The following EGFLAM variants were observed in gnomAD, a reference collection of about 807,000 sequenced individuals.
The protein encoded by EGFLAM is EGF like, fibronectin type III and laminin G domains, also known as pikachurin.
Under a neutral mutation model 113.1 loss-of-function variants are expected in EGFLAM, and 79 were observed. The ratio of observed to expected loss-of-function variants is 0.70; its 90% CI spans 0.58 to 0.84. The LOEUF is 0.84. Among genes scored for constraint, EGFLAM ranks in the 40% least tolerant of loss-of-function variants. The probability of loss-of-function intolerance (pLI) is 0.00; values close to 1 mark genes in which losing one functional copy is unlikely to be tolerated. For missense variants in EGFLAM, 1,265 were observed against 1,291.6 expected, an observed-to-expected ratio of 0.98 and a Z score of 0.32; for synonymous variants, 504 against 487.6, an observed-to-expected ratio of 1.03 and a Z score of -0.44.
intron 1 of EGFLAM, among the ~76,000 whole-genome samples, chr5:38,316,076 C>CAAAA (rs199596625): frequency 0.16 from 20,123 of 124,862 alleles, 1,707 homozygotes; most frequent in African/African-American, 0.23. Context: ...GACTCTGTCC[C>CAAAA]AAAAAAAAAA....
intron 1 of EGFLAM, among the ~76,000 whole-genome samples, chr5:38,336,345 G>A (rs1435285611): frequency 6.6e-6 from 1 of 152,170 alleles, no homozygotes; most frequent in East Asian, 1.9e-4. Flanking sequence ...AGGCCAAGGC[G>A]GGCAGGTCAC....
chr5:38,456,031 T>C (rs184658382), intron 19 of EGFLAM, among the ~76,000 whole-genome samples: 1 of 152,140 alleles, frequency 6.6e-6, no homozygotes, highest in East Asian at 1.9e-4. Flanking sequence ...TCAGAAGAGG[T>C]GTGACATATT....
At chr5:38,287,456 C>T (rs1272814316) in intron 1 of EGFLAM, among the ~76,000 whole-genome samples, 2 of 152,318 alleles carry the variant, frequency 1.3e-5, no homozygotes, top group East Asian at 1.9e-4. Flanking sequence ...ACTGCAACCT[C>T]TGCCTCCTGG....
At chr5:38,448,862 G>A (rs1454881856) in intron 18 of EGFLAM, among the ~76,000 whole-genome samples, 4 of 152,140 alleles carry the variant, frequency 2.6e-5, no homozygotes, top group East Asian at 1.9e-4. Flanking sequence ...CCTACCCTGC[G>A]TCTTCATCAG....
chr5:38,400,868 G>A (rs1741092963), intron 6 of EGFLAM, among the ~76,000 whole-genome samples: 1 of 152,060 alleles, frequency 6.6e-6, no homozygotes, highest in Non-Finnish European at 1.5e-5. Context: ...CTGTAAAATG[G>A]GCTTGTTGTG....
rs1182061113 is a variant in EGFLAM at position 38,427,069 on chromosome 5, G to C, written c.1871G>C (p.Trp624Ser). Residue 624 changes from tryptophan to serine, a missense_variant, in exon 14 of 22, where the codon TGG becomes TCG. Trp to Ser is a radical substitution (Grantham distance 177, BLOSUM62 -3). Transcript: ENST00000322350. ...ESLRSYAATPWPLEPQHYLSF... is the reference protein window; with the variant it reads ...ESLRSYAATPSPLEPQHYLSF... ...CTGAGATCTTACGCTGCAACTCCCT[G>C]GCCACTGGAGCCCCAGCATTACCTT... is the stretch of plus-strand genomic sequence containing the variant. 3.1e-6 allele frequency: 5 copies of C among 1,613,910 alleles called. 1 individual carries two copies. In the African/African-American group the frequency reaches 6.7e-5, roughly 22 times the overall value.
chr5:38,431,031 T>G lies in EGFLAM; in HGVS notation c.2055-146T>G, dbSNP rs1158933287. Reference sequence around the variant, plus strand: ...TGCCCAGGTTGGTGAGGGCAGATCTTTACTAAGTTTACTGATTCAGATGCT... The same window carrying G: ...TGCCCAGGTTGGTGAGGGCAGATCTGTACTAAGTTTACTGATTCAGATGCT... On this transcript the variant is annotated intron_variant, in intron 14 of 21. Coordinates refer to ENST00000322350, the MANE Select transcript of EGFLAM (RefSeq NM_152403.4). The G allele has an allele frequency of 1.1e-5, 8 of 700,796 alleles. No individual in the cohort carries two copies. In the African/African-American group the frequency reaches 1.4e-4, roughly 13 times the overall value. 43.4% of individuals were successfully genotyped at this position (700,796 alleles called of 1,614,324 possible). A position where few individuals can be genotyped will look rare whatever the true frequency, so the allele number is the denominator to read the frequency against.
At chr5:38,404,397 G>T (rs1465116866) in intron 6 of EGFLAM, among the ~76,000 whole-genome samples, 1 of 152,140 alleles carries the variant, frequency 6.6e-6, no homozygotes, top group Non-Finnish European at 1.5e-5. Flanking sequence ...CAGTGAGAAG[G>T]CACCATCTGT....
chr5:38,304,761 C>A (rs928316810), intron 1 of EGFLAM, among the ~76,000 whole-genome samples: 4 of 152,046 alleles, frequency 2.6e-5, no homozygotes, highest in African/African-American at 9.7e-5. Flanking sequence ...AAGCCAACAC[C>A]AGAAAGTCGA....
intron 1 of EGFLAM, among the ~76,000 whole-genome samples, chr5:38,298,435 C>T (rs1278279836): frequency 2.0e-5 from 3 of 152,162 alleles, no homozygotes; most frequent in Non-Finnish European, 4.4e-5. Flanking sequence ...TCACTCAGTC[C>T]TATTGAGCTC....
At chr5:38,273,024 AC>A (rs1400902259) in intron 1 of EGFLAM, among the ~76,000 whole-genome samples, 1 of 152,228 alleles carries the variant, frequency 6.6e-6, no homozygotes, top group Non-Finnish European at 1.5e-5. Context: ...GCATGAAAAT[AC>A]TTCACAAGAG....
At chr5:38,458,471 C>T (rs1015391791) in intron 20 of EGFLAM, 77 bp downstream of exon 20, 30 of 1,437,470 alleles carry the variant, frequency 2.1e-5, no homozygotes, top group Non-Finnish European at 2.8e-5. Context: ...CCTTGTAGTC[C>T]CACTGTCCTG....
intron 10 of EGFLAM, among the ~76,000 whole-genome samples, chr5:38,410,747 C>T (rs1741452343): frequency 6.6e-6 from 1 of 152,180 alleles, no homozygotes; most frequent in Non-Finnish European, 1.5e-5. Flanking sequence ...TCTGTCTCAC[C>T]TCACTGCTGA....
At chr5:38,278,490 A>ATT (rs536338176) in intron 1 of EGFLAM, among the ~76,000 whole-genome samples, 2 of 145,076 alleles carry the variant, frequency 1.4e-5, no homozygotes, top group Non-Finnish European at 1.5e-5. Flanking sequence ...CTGGTCAATG[A>ATT]TTTTTTTTTT....
intron 1 of EGFLAM, among the ~76,000 whole-genome samples, chr5:38,334,636 T>C (rs1388705655): frequency 1.3e-5 from 2 of 152,240 alleles, no homozygotes; most frequent in African/African-American, 4.8e-5. Flanking sequence ...AACAGACCTT[T>C]ATCAGATATT....
chr5:38,328,898 A>C (rs1468039184), intron 1 of EGFLAM, among the ~76,000 whole-genome samples: 1 of 152,028 alleles, frequency 6.6e-6, no homozygotes, highest in Non-Finnish European at 1.5e-5. Flanking sequence ...TAATTTTCAA[A>C]GAGCATGATG....
At chr5:38,313,781 TTC>T (rs1738517977) in intron 1 of EGFLAM, among the ~76,000 whole-genome samples, 1 of 152,228 alleles carries the variant, frequency 6.6e-6, no homozygotes, top group South Asian at 2.1e-4. Context: ...TTGAATGTTT[TTC>T]TGTGTTTTTA....
rs555883248 is a variant in EGFLAM at position 38,392,634 on chromosome 5, G to T, written c.713-13492G>T. Among the ~76,000 whole-genome samples the T allele has an allele frequency of 2.0e-5, 3 of 150,712 alleles. No individual in the cohort carries two copies. The East Asian group carries it at 5.8e-4, about 29-fold the overall frequency. ...CAGAATCTATTCTTTTTTTTTGGGG[G>T]GGCGGTTCTCACTGGGATTTAATAT... is the stretch of plus-strand genomic sequence containing the variant. On this transcript the variant is annotated intron_variant, in intron 6 of 21. Coordinates refer to ENST00000322350, the MANE Select transcript of EGFLAM (RefSeq NM_152403.4).
chr5:38,368,618 C>T (rs957425413), intron 5 of EGFLAM, among the ~76,000 whole-genome samples: 1 of 152,154 alleles, frequency 6.6e-6, no homozygotes, highest in Non-Finnish European at 1.5e-5. Context: ...TGTTTCCTGC[C>T]TTCCTCTAAA....
Sources: gnomAD v4.1 joint callset for allele counts (sites outside exome capture counted in the v4.1 genomes callset) on GRCh38, gnomAD v4.1.1 for gene constraint, MANE v1.5 for transcripts, NCBI Gene and HGNC (gene_info 2026-07-23, HGNC 2026-07-21) for gene names.